MEP1B: variants seen among roughly 807,000 people sequenced by gnomAD.
The protein encoded by MEP1B is meprin A subunit beta.
In MEP1B, 80 loss-of-function variants were observed where a neutral mutation model predicts 84.6. The ratio of observed to expected loss-of-function variants is 0.95; its 90% CI spans 0.79 to 1.14. MEP1B has a LOEUF of 1.14. Ranked by LOEUF, MEP1B falls within the 50% of genes most tolerant of loss-of-function variation. The pLI is 0.00. For synonymous variants in MEP1B, 273 were observed against 288.1 expected (o/e 0.95, Z 0.53); for missense variants, 766 against 855.1 (o/e 0.90, Z 1.30).
At chr18:32,209,745 CTTTTCTTT>C (rs577688215) in intron 9 of MEP1B, among the ~76,000 whole-genome samples, 403 of 152,012 alleles carry the variant, frequency 2.7e-3, no homozygotes, top group African/African-American at 9.1e-3. Flanking sequence ...TTCTTTCTTC[CTTTTCTTT>C]TTTTCTTCCT....
Position 32,191,815 on chromosome 18 carries a change from T to C in MEP1B, c.64-7T>C. On this transcript the variant is annotated splice_polypyrimidine_tract_variant and splice_region_variant and intron_variant, in intron 1 of 14. Coordinates refer to ENST00000269202, the MANE Select transcript of MEP1B (RefSeq NM_005925.3). ...TAATATGTTTTGTTTATGTGTTTAT[T>C]TCCCAGGCAACTCCAGAAAACTTTG... 1.3e-6 allele frequency: 2 copies of C among 1,532,638 alleles called. No homozygotes were observed. The highest frequency in any genetic ancestry group is 1.8e-6 in the Non-Finnish European group (2 of 1,125,960). The allele number at this position is 1,532,638 out of a possible 1,614,324, so 94.9% of individuals were successfully genotyped here. A position where few individuals can be genotyped will look rare whatever the true frequency, so the allele number is the denominator to read the frequency against.
intron 11 of MEP1B, among the ~76,000 whole-genome samples, 200 bp downstream of exon 11, chr18:32,213,759 G>A (rs1598896993): frequency 6.6e-6 from 1 of 152,266 alleles, no homozygotes; most frequent in East Asian, 1.9e-4. Flanking sequence ...TGTCAGCAAG[G>A]ACTCCAACAA....
At chr18:32,217,246 AT>A (rs969783440) in intron 13 of MEP1B, 129 bp downstream of exon 13, 2,934 of 1,041,456 alleles carry the variant, frequency 2.8e-3, no homozygotes, top group South Asian at 3.9e-3. Flanking sequence ...CATTCATAGA[AT>A]TTTTTTTTTA....
chr18:32,216,279 T>C (rs2041089185), intron 12 of MEP1B, among the ~76,000 whole-genome samples: 1 of 152,132 alleles, frequency 6.6e-6, no homozygotes. Flanking sequence ...CTTGGAGAGA[T>C]TATTCAGAAA....
rs1568264673 is a variant in MEP1B at position 32,196,480 on chromosome 18, A to G, written c.250+995A>G. On this transcript the variant is annotated intron_variant, in intron 5 of 14. Transcript: ENST00000269202. The surrounding 1 kb of genome is among the most constrained non-coding windows in gnomAD (Gnocchi z 4.4). ...TCTGGTGCTGCAGGGCCGACCGGAA[A>G]CTCAGCTTTGCTCTCATAGACCGAG... 1.0e-5 allele frequency: 7 copies of G among 694,954 alleles called. No homozygotes were observed. The East Asian group carries it at 1.9e-4, about 19-fold the overall frequency. 43.0% of individuals were successfully genotyped at this position (694,954 alleles called of 1,614,324 possible).
intron 13 of MEP1B, among the ~76,000 whole-genome samples, chr18:32,217,545 A>C (rs1189849967): frequency 6.6e-6 from 1 of 152,040 alleles, no homozygotes; most frequent in Non-Finnish European, 1.5e-5. Context: ...ATACTGTTTT[A>C]GTATCAGATT....
intron 7 of MEP1B, among the ~76,000 whole-genome samples, chr18:32,205,465 C>T (rs1400997207): frequency 6.6e-6 from 1 of 152,192 alleles, no homozygotes; most frequent in Non-Finnish European, 1.5e-5. Flanking sequence ...TTCTTGAAAT[C>T]ACAGCTCTTG....
chr18:32,196,475 C>A lies in MEP1B; in HGVS notation c.250+990C>A. On this transcript the variant is annotated intron_variant, in intron 5 of 14. Coordinates refer to ENST00000269202, the MANE Select transcript of MEP1B (RefSeq NM_005925.3). This position sits in a 1 kb window ranked among gnomAD's most constrained non-coding sequence, Gnocchi z 4.4. ...TTCCTTCTGGTGCTGCAGGGCCGAC[C>A]GGAAACTCAGCTTTGCTCTCATAGA... The A allele has an allele frequency of 1.4e-6, 1 of 694,428 alleles. No homozygotes were observed. Among genetic ancestry groups the A allele is most frequent in the Non-Finnish European group, 2.7e-6 (1 of 376,550 alleles). 43.0% of individuals were successfully genotyped at this position (694,428 alleles called of 1,614,324 possible). A position where few individuals can be genotyped will look rare whatever the true frequency, so the allele number is the denominator to read the frequency against.
chr18:32,216,460 C>T (rs568115688), intron 12 of MEP1B, among the ~76,000 whole-genome samples: 1 of 152,330 alleles, frequency 6.6e-6, no homozygotes, highest in Admixed American at 6.5e-5. Flanking sequence ...CACCAATTTG[C>T]TCTACCAAGC....
intron 1 of MEP1B, 73 bp downstream of exon 1, chr18:32,190,206 T>G (rs1284173150): frequency 7.4e-6 from 7 of 940,488 alleles, no homozygotes; most frequent in East Asian, 2.8e-5. Context: ...AGAACAAGTG[T>G]TTTTTTTTTG....
At chr18:32,214,533 A>G (rs1350797085) in intron 11 of MEP1B, among the ~76,000 whole-genome samples, 1 of 152,212 alleles carries the variant, frequency 6.6e-6, no homozygotes, top group Non-Finnish European at 1.5e-5. Context: ...AAATGACATT[A>G]AAAACAGCTC....
In MEP1B at chr18:32,205,254, T is replaced by C. The variant is rs574201423; in HGVS notation, c.547+894T>C. 1.6e-4 allele frequency among the ~76,000 whole-genome samples: 24 copies of C among 152,340 alleles called. No individual in the cohort carries two copies. In the Middle Eastern group the frequency reaches 0.01, roughly 65 times the overall value. On this transcript the variant is annotated intron_variant, in intron 7 of 14. Coordinates refer to ENST00000269202, the MANE Select transcript of MEP1B (RefSeq NM_005925.3). ...AATTTTCAGTAATAGTTGAGTAGCA[T>C]GAACTGTTTGTGATTTTGTGTTCAA...
intron 13 of MEP1B, among the ~76,000 whole-genome samples, chr18:32,217,506 C>A (rs775303967): frequency 5.3e-5 from 8 of 152,110 alleles, no homozygotes; most frequent in Non-Finnish European, 1.0e-4. Context: ...TCTCTGTTAT[C>A]TGTGCTATCG....
chr18:32,218,903 C>T (rs1010855428), intron 14 of MEP1B, among the ~76,000 whole-genome samples: 5 of 152,218 alleles, frequency 3.3e-5, no homozygotes, highest in South Asian at 2.1e-4. Flanking sequence ...CCCTAGCATC[C>T]ACTACATACT....
intron 12 of MEP1B, among the ~76,000 whole-genome samples, chr18:32,216,127 T>TA: frequency 6.6e-6 from 1 of 152,152 alleles, no homozygotes; most frequent in African/African-American, 2.4e-5. Context: ...ATTTTTTATG[T>TA]GGTAGGATTT....
rs1598900468 is a variant in MEP1B, at chr18:32,220,341, A to G, written c.*96A>G. On this transcript the variant is annotated 3_prime_UTR_variant, in exon 15 of 15. Coordinates refer to ENST00000269202, the MANE Select transcript of MEP1B (RefSeq NM_005925.3). The stretch of plus-strand genomic sequence containing the variant: ...ATATTACAGCCACCTCATTCTTCTA[A>G]AAGTGGATATTTTTCTGTAAATAGC... The G allele has an allele frequency of 3.4e-6, 4 of 1,162,966 alleles. No individual in the cohort carries two copies. Among genetic ancestry groups the G allele is most frequent in the East Asian group, 2.5e-5 (1 of 40,290 alleles). The allele number at this position is 1,162,966 out of a possible 1,614,324, so 72.0% of individuals were successfully genotyped here.
In MEP1B at chr18:32,220,303, T is replaced by C; in HGVS notation, c.*58T>C. The C allele has an allele frequency of 1.3e-6, 2 of 1,543,964 alleles. No homozygotes were observed. The highest frequency in any genetic ancestry group is 1.8e-6 in the Non-Finnish European group (2 of 1,126,558). On this transcript the variant is annotated 3_prime_UTR_variant, in exon 15 of 15. Transcript: ENST00000269202. ...ATTAAAAAGGATTCTTCATCATGGA[T>C]TTCGCCTAAGTGATATTACAGCCAC...
In MEP1B at chr18:32,196,455, T is replaced by C; in HGVS notation, c.250+970T>C. On this transcript the variant is annotated intron_variant, in intron 5 of 14. Coordinates refer to ENST00000269202, the MANE Select transcript of MEP1B (RefSeq NM_005925.3). The surrounding 1 kb of genome is among the most constrained non-coding windows in gnomAD (Gnocchi z 4.4). Reference sequence around the variant, plus strand: ...AGAGGGTGTGCAGCCAGCCCTTCCTTCTGGTGCTGCAGGGCCGACCGGAAA... The same window carrying C: ...AGAGGGTGTGCAGCCAGCCCTTCCTCCTGGTGCTGCAGGGCCGACCGGAAA... The C allele has an allele frequency of 1.4e-6, 1 of 694,384 alleles. No homozygotes were observed. Among genetic ancestry groups the C allele is most frequent in the Admixed American group, 2.0e-5 (1 of 49,558 alleles). 43.0% of individuals were successfully genotyped at this position (694,384 alleles called of 1,614,324 possible).
At chr18:32,209,202 T>C (rs17663127) in intron 9 of MEP1B, among the ~76,000 whole-genome samples, 42,242 of 152,078 alleles carry the variant, frequency 0.28, 6,035 homozygotes, top group Non-Finnish European at 0.3. Context: ...GTAAAGAAAA[T>C]TGGGCCGGGT....
Sources: gnomAD v4.1 joint callset for allele counts (sites outside exome capture counted in the v4.1 genomes callset) on GRCh38, gnomAD v4.1.1 for gene constraint, Gnocchi (gnomAD v3.1) non-coding constraint, MANE v1.5 for transcripts, NCBI Gene and HGNC (gene_info 2026-07-23, HGNC 2026-07-21) for gene names.